ABCA10: variants seen among roughly 807,000 people sequenced by gnomAD.
ABCA10 encodes ATP-binding cassette sub-family A member 10.
In ABCA10, 169 loss-of-function variants were observed where a neutral mutation model predicts 187.5. That is an observed-to-expected ratio of 0.90 (90% CI 0.80 to 1.02). The LOEUF is 1.02. Among genes scored for constraint, ABCA10 ranks in the 50% least tolerant of loss-of-function variants. The pLI is 0.00. For missense variants in ABCA10, 1,727 were observed against 1,812.4 expected (o/e 0.95, Z 0.86); for synonymous variants, 574 against 601.8 (o/e 0.95, Z 0.68).
At chr17:69,189,592 TG>T (rs1156968995) in intron 18 of ABCA10, among the ~76,000 whole-genome samples, 1 of 152,200 alleles carries the variant, frequency 6.6e-6, no homozygotes, top group African/African-American at 2.4e-5. Flanking sequence ...ATGAAGTCTT[TG>T]CCAGGACCAA....
intron 25 of ABCA10, among the ~76,000 whole-genome samples, chr17:69,168,932 G>C (rs1284594341): frequency 6.6e-6 from 1 of 152,180 alleles, no homozygotes; most frequent in African/African-American, 2.4e-5. Flanking sequence ...TCTCCATTAA[G>C]CCTCTTTGTA....
At chr17:69,222,469 C>A in intron 4 of ABCA10, 64 bp downstream of exon 4, 1 of 1,281,064 alleles carries the variant, frequency 7.8e-7, no homozygotes, top group South Asian at 1.7e-5. Flanking sequence ...TCCTATCAGT[C>A]ATTCCAAACA....
At chr17:69,236,873 C>A (rs1025265313) in intron 1 of ABCA10, among the ~76,000 whole-genome samples, 3 of 152,098 alleles carry the variant, frequency 2.0e-5, no homozygotes. Flanking sequence ...CAGTCTCTCA[C>A]AACGAAAAAT....
chr17:69,231,853 A>G (rs1323818837), upstream of ABCA10, among the ~76,000 whole-genome samples: 1 of 152,082 alleles, frequency 6.6e-6, no homozygotes, highest in Non-Finnish European at 1.5e-5. Flanking sequence ...TGTCTATTCC[A>G]GTTCCTTACA....
Position 69,153,402 on chromosome 17 carries a change from G to A in ABCA10, c.4042-3C>T. ...AGGATGCTCAGCACAAAGCACAGCT[G>A]CAATGCAAGGAACAGCCCGTCGGCA... On this transcript the variant is annotated splice_region_variant and splice_polypyrimidine_tract_variant and intron_variant, in intron 33 of 38. Coordinates refer to ENST00000690296, the MANE Select transcript of ABCA10 (RefSeq NM_001377321.1). The A allele has an allele frequency of 1.2e-6, 2 of 1,613,592 alleles. No homozygotes were observed. Among genetic ancestry groups the A allele is most frequent in the Non-Finnish European group, 1.7e-6 (2 of 1,179,750 alleles).
intron 1 of ABCA10, among the ~76,000 whole-genome samples, chr17:69,235,221 C>T (rs1384144160): frequency 6.6e-6 from 1 of 152,190 alleles, no homozygotes; most frequent in African/African-American, 2.4e-5. Flanking sequence ...TAACTAGATT[C>T]TGTGCCATTT....
chr17:69,222,789 T>C (rs949966489), intron 3 of ABCA10, 92 bp from the exon 4 acceptor site: 1 of 1,182,308 alleles, frequency 8.5e-7, no homozygotes, highest in Non-Finnish European at 1.1e-6. Flanking sequence ...TTATATAAAA[T>C]TAGTGGTATT....
At chr17:69,225,572 C>A in intron 2 of ABCA10, 43 bp from the exon 3 acceptor site, 1 of 457,230 alleles carries the variant, frequency 2.2e-6, no homozygotes, top group South Asian at 5.1e-5. Flanking sequence ...ATAACGTGGT[C>A]CAGACCAGTG....
At chr17:69,190,816 T>C (rs1283321899) in intron 17 of ABCA10, among the ~76,000 whole-genome samples, 1 of 151,580 alleles carries the variant, frequency 6.6e-6, no homozygotes, top group Non-Finnish European at 1.5e-5. Flanking sequence ...CCATTTTATA[T>C]ATATAATAAA....
chr17:69,225,801 C>T (rs1252390304), intron 2 of ABCA10, among the ~76,000 whole-genome samples: 1 of 152,022 alleles, frequency 6.6e-6, no homozygotes, highest in Non-Finnish European at 1.5e-5. Context: ...GATTTTATGC[C>T]CTCATATTTG....
chr17:69,243,366 T>A (rs959377516), intron 1 of ABCA10, among the ~76,000 whole-genome samples: 1 of 152,222 alleles, frequency 6.6e-6, no homozygotes, highest in African/African-American at 2.4e-5. Flanking sequence ...AGCCTGTTGG[T>A]CCTAGGCTAC....
At chr17:69,202,025 C>T (rs899949852) in intron 9 of ABCA10, among the ~76,000 whole-genome samples, 2 of 152,148 alleles carry the variant, frequency 1.3e-5, no homozygotes, top group African/African-American at 4.8e-5. Context: ...TCAGGCGATC[C>T]GCCCACCTCG....
chr17:69,174,881 G>T, intron 23 of ABCA10, 104 bp from the exon 24 acceptor site: 1 of 1,000,036 alleles, frequency 1.0e-6, no homozygotes, highest in Non-Finnish European at 1.4e-6. Flanking sequence ...GTATGTTATA[G>T]TGTCTGTGTG....
chr17:69,221,370 G>C (rs566870201), intron 5 of ABCA10, among the ~76,000 whole-genome samples: 6 of 152,174 alleles, frequency 3.9e-5, no homozygotes, highest in Non-Finnish European at 8.8e-5. Context: ...GGAAGTTAGG[G>C]TAGTTGTGTG....
intron 10 of ABCA10, among the ~76,000 whole-genome samples, chr17:69,200,380 C>T (rs545159783): frequency 1.3e-5 from 2 of 152,306 alleles, no homozygotes; most frequent in Admixed American, 6.5e-5. Context: ...TTTAAACCTA[C>T]AGACTACATC....
At chr17:69,170,125 T>TA (rs1020394834) in intron 25 of ABCA10, among the ~76,000 whole-genome samples, 4 of 151,706 alleles carry the variant, frequency 2.6e-5, no homozygotes, top group African/African-American at 7.3e-5. Context: ...CTGTCTTTAT[T>TA]AAAAATAAAA....
chr17:69,173,990 G>T (rs1297724379), intron 25 of ABCA10, among the ~76,000 whole-genome samples: 1 of 151,934 alleles, frequency 6.6e-6, no homozygotes, highest in Non-Finnish European at 1.5e-5. Context: ...TGTCCTGAAT[G>T]ATCTAGTCTT....
intron 19 of ABCA10, among the ~76,000 whole-genome samples, chr17:69,185,871 A>C (rs2074417484): frequency 6.6e-6 from 1 of 152,166 alleles, no homozygotes; most frequent in African/African-American, 2.4e-5. Flanking sequence ...TCAAGAGAAA[A>C]GGTGGAATCC....
At chr17:69,243,854 T>C (rs2074922363) in intron 1 of ABCA10, among the ~76,000 whole-genome samples, 1 of 152,200 alleles carries the variant, frequency 6.6e-6, no homozygotes, top group Admixed American at 6.5e-5. Flanking sequence ...GCCGGGATTG[T>C]GCCACTGTAC....
Sources: allele counts gnomAD v4.1 joint callset (sites outside exome capture counted in the v4.1 genomes callset), GRCh38; gene constraint gnomAD v4.1.1; transcripts MANE v1.5; gene names NCBI Gene and HGNC (gene_info 2026-07-23, HGNC 2026-07-21).